The following ANKHD1 variants were observed in gnomAD, a reference collection of about 807,000 sequenced individuals.
The protein encoded by ANKHD1 is ankyrin repeat and KH domain containing 1.
In ANKHD1, 31 loss-of-function variants were observed where a neutral mutation model predicts 230.5. The ratio of observed to expected loss-of-function variants is 0.13; its 90% CI spans 0.10 to 0.18. ANKHD1 has a LOEUF of 0.18. Ranked by LOEUF, ANKHD1 falls within the 10% of genes least tolerant of loss-of-function variation. ANKHD1 has a pLI of 1.00. For missense variants in ANKHD1, 2,256 were observed against 3,071.3 expected (o/e 0.73, Z 6.27); for synonymous variants, 1,074 against 1,117.6 (o/e 0.96, Z 0.78).
chr5:140,510,882 GCATGAT>G (rs767024415), intron 22 of ANKHD1, among the ~76,000 whole-genome samples: 26 of 151,890 alleles, frequency 1.7e-4, no homozygotes, highest in Non-Finnish European at 3.4e-4. Flanking sequence ...GAGTGCAGTG[GCATGAT>G]CATAGCTCAC....
rs756238079 is a variant in ANKHD1, at chr5:140,402,279, G to A, written c.306+6G>A. ...ACGAGGACGAAGTGTCCGAGGTAAG[G>A]CTCCGGGACCCTCGCCTCCCACACA... On this transcript the variant is annotated splice_donor_region_variant and intron_variant, in intron 1 of 33. Transcript: ENST00000360839. 1.9e-5 allele frequency: 28 copies of A among 1,472,344 alleles called. No homozygotes were observed. The South Asian group carries it at 2.4e-4, about 12-fold the overall frequency. 91.2% of individuals were successfully genotyped at this position (1,472,344 alleles called of 1,614,324 possible).
intron 1 of ANKHD1, among the ~76,000 whole-genome samples, chr5:140,407,165 G>A (rs553606720): frequency 3.3e-5 from 5 of 151,760 alleles, no homozygotes; most frequent in South Asian, 2.1e-4. Flanking sequence ...GTGGTGGCAC[G>A]CACCTGCAAT....
At position 140,440,970 on chromosome 5, in the gene ANKHD1, C is replaced by T; in HGVS notation, c.766-25C>T. ...ATTGAATAGTAAGAATTAACAATTT[C>T]TCTGTCTGTATATGTGTTTTAAAGG... On this transcript the variant is annotated intron_variant, in intron 4 of 33. Transcript: ENST00000360839. The T allele has an allele frequency of 2.0e-6, 3 of 1,519,152 alleles. No individual in the cohort carries two copies. The South Asian group carries it at 4.0e-5, about 20-fold the overall frequency. 94.1% of individuals were successfully genotyped at this position (1,519,152 alleles called of 1,614,324 possible). A position where few individuals can be genotyped will look rare whatever the true frequency, so the allele number is the denominator to read the frequency against.
intron 24 of ANKHD1, among the ~76,000 whole-genome samples, chr5:140,522,334 C>G (rs2127079138): frequency 6.6e-6 from 1 of 152,308 alleles, no homozygotes; most frequent in East Asian, 1.9e-4. Flanking sequence ...CAATTCTATT[C>G]TGTAGACAGA....
chr5:140,528,143 T>A lies in ANKHD1; in HGVS notation c.5238-41T>A, dbSNP rs78628674. The A allele has an allele frequency of 5.5e-5, 84 of 1,536,854 alleles. No individual in the cohort carries two copies. The Middle Eastern group carries it at 1.4e-3, about 26-fold the overall frequency. On this transcript the variant is annotated intron_variant, in intron 28 of 33. Coordinates refer to ENST00000360839, the MANE Select transcript of ANKHD1 (RefSeq NM_017747.3). ...TTAAGATTACCTTTTTTTTTTTTTT[T>A]AATGTTTTTGGTCTTGTTTCTGTTT...
chr5:140,406,832 G>T (rs1381592191), intron 1 of ANKHD1, among the ~76,000 whole-genome samples: 1 of 151,996 alleles, frequency 6.6e-6, no homozygotes, highest in Non-Finnish European at 1.5e-5. Context: ...CACCCACCTG[G>T]CCCTTTTGTT....
chr5:140,502,537 T>C (rs900463022), intron 15 of ANKHD1, among the ~76,000 whole-genome samples: 5 of 152,286 alleles, frequency 3.3e-5, no homozygotes, highest in Admixed American at 3.3e-4. Flanking sequence ...TAAAGAGAGA[T>C]GAGATAACAT....
chr5:140,443,849 T>C (rs1020216385), intron 5 of ANKHD1, among the ~76,000 whole-genome samples: 3 of 152,068 alleles, frequency 2.0e-5, no homozygotes, highest in African/African-American at 7.2e-5. Flanking sequence ...AGCACAGATA[T>C]AATATTACAC....
intron 14 of ANKHD1, among the ~76,000 whole-genome samples, chr5:140,492,985 G>GT (rs1751875472): frequency 6.6e-6 from 1 of 151,928 alleles, no homozygotes; most frequent in South Asian, 2.1e-4. Flanking sequence ...ATTTTTTCTA[G>GT]TTTTGTTAAT....
chr5:140,533,992 C>T (rs1753960454), intron 29 of ANKHD1, among the ~76,000 whole-genome samples: 1 of 151,944 alleles, frequency 6.6e-6, no homozygotes, highest in South Asian at 2.1e-4. Flanking sequence ...CCTACTGTTG[C>T]CTACCACAAT....
chr5:140,416,130 T>G (rs944769038), intron 1 of ANKHD1, among the ~76,000 whole-genome samples: 13 of 152,348 alleles, frequency 8.5e-5, no homozygotes, highest in African/African-American at 3.1e-4. Context: ...TCCTTTCTTA[T>G]GGCTGCATAG....
intron 1 of ANKHD1, among the ~76,000 whole-genome samples, chr5:140,416,969 TTTATTA>T (rs373731832): frequency 8.4e-4 from 128 of 152,176 alleles, no homozygotes; most frequent in African/African-American, 3.0e-3. Context: ...ATGTAATTGT[TTTATTA>T]TAATAATTAT....
At position 140,497,015 on chromosome 5, in the gene ANKHD1, A is replaced by C; in HGVS notation, c.2741A>C (p.Gln914Pro). The C allele has an allele frequency of 6.2e-7, 1 of 1,614,226 alleles. No individual in the cohort carries two copies. Among genetic ancestry groups the C allele is most frequent in the South Asian group, 1.1e-5 (1 of 91,082 alleles). Residue 914 changes from glutamine to proline, a missense_variant, in exon 15 of 34, where the codon CAG (glutamine) becomes CCG (proline). By Grantham distance (76) the Gln-to-Pro change is moderately conservative. Transcript: ENST00000360839. ...GATAATGATGTTGATGATGAGCAACAGTCTCCACCATCGGCAGAACAGATT... is the reference window on the plus strand; with the variant it reads ...GATAATGATGTTGATGATGAGCAACCGTCTCCACCATCGGCAGAACAGATT... Reference protein sequence around the residue: ...FKDNDVDDEQQSPPSAEQIDF... With the variant: ...FKDNDVDDEQPSPPSAEQIDF...
At chr5:140,422,668 G>A (rs1452508347) in intron 1 of ANKHD1, among the ~76,000 whole-genome samples, 1 of 150,858 alleles carries the variant, frequency 6.6e-6, no homozygotes, top group Non-Finnish European at 1.5e-5. Flanking sequence ...AATTTAGCAG[G>A]GTGTAGTGGT....
chr5:140,479,444 AT>A (rs1751146518), intron 10 of ANKHD1, among the ~76,000 whole-genome samples: 1 of 152,086 alleles, frequency 6.6e-6, no homozygotes. Flanking sequence ...GTATCCTAAA[AT>A]TTTATTAGTA....
chr5:140,485,551 AC>A lies in ANKHD1; in HGVS notation c.1999-37del. On this transcript the variant is annotated intron_variant, in intron 12 of 33. Coordinates refer to ENST00000360839, the MANE Select transcript of ANKHD1 (RefSeq NM_017747.3). This position sits in a 1 kb window ranked among gnomAD's most constrained non-coding sequence, Gnocchi z 4.8. The stretch of plus-strand genomic sequence containing the variant: ...TTGATTTTATATGAGCTGCTAAGAA[AC>A]TATAAAGAATTAATTATCATGGCAA... 1 of 1,609,704 alleles carries A rather than the reference AC, an allele frequency of 6.2e-7. No homozygotes were observed. The highest frequency in any genetic ancestry group is 8.5e-7 in the Non-Finnish European group (1 of 1,178,216).
At chr5:140,457,106 C>G (rs1167586944) in intron 7 of ANKHD1, among the ~76,000 whole-genome samples, 5 of 152,182 alleles carry the variant, frequency 3.3e-5, no homozygotes, top group Non-Finnish European at 5.9e-5. Context: ...TGAAAAAATG[C>G]TCCTCATCAC....
At chr5:140,440,358 G>T in intron 4 of ANKHD1, 92 bp downstream of exon 4, 1 of 1,438,670 alleles carries the variant, frequency 7.0e-7, no homozygotes, top group Non-Finnish European at 9.1e-7. Context: ...TATAATTAGA[G>T]GCCAGAGTCT....
chr5:140,434,700 T>C (rs1305588953), intron 1 of ANKHD1, among the ~76,000 whole-genome samples: 5 of 152,048 alleles, frequency 3.3e-5, no homozygotes, highest in Non-Finnish European at 7.4e-5. Flanking sequence ...TTTTTATTTC[T>C]TCTCACAGTT....
Sources: gnomAD v4.1 joint callset for allele counts (sites outside exome capture counted in the v4.1 genomes callset) on GRCh38, gnomAD v4.1.1 for gene constraint, Gnocchi (gnomAD v3.1) non-coding constraint, MANE v1.5 for transcripts, NCBI Gene and HGNC (gene_info 2026-07-23, HGNC 2026-07-21) for gene names.